The following CSMD1 variants were observed in gnomAD, a reference collection of about 807,000 sequenced individuals.
CSMD1 encodes the protein CUB and Sushi multiple domains 1, also known as CUB and sushi domain-containing protein 1.
In CSMD1, 213 loss-of-function variants were observed where a neutral mutation model predicts 417.5. The observed-to-expected ratio is 0.51, with a 90% CI of 0.46 to 0.57. The LOEUF (loss-of-function observed/expected upper bound fraction) is 0.57, where lower values mean the gene tolerates loss of function less well. Among genes scored for constraint, CSMD1 ranks in the 20% least tolerant of loss-of-function variants. The probability of loss-of-function intolerance (pLI) is 0.00; values close to 1 mark genes in which losing one functional copy is unlikely to be tolerated. For synonymous variants in CSMD1, 2,862 were observed against 1,736.8 expected, an observed-to-expected ratio of 1.65 and a Z score of -16.11; for missense variants, 6,923 against 4,529.7, an observed-to-expected ratio of 1.53 and a Z score of -15.17.
At chr8:3,042,509 C>T (rs1811168017) in intron 50 of CSMD1, among the ~76,000 whole-genome samples, 1 of 150,190 alleles carries the variant, frequency 6.7e-6, no homozygotes, top group African/African-American at 2.5e-5. Context: ...CTTTGTAAAC[C>T]TGCTTACGGG....
chr8:4,716,695 G>A (rs571545848), intron 1 of CSMD1, among the ~76,000 whole-genome samples: 2 of 152,204 alleles, frequency 1.3e-5, no homozygotes, highest in Non-Finnish European at 2.9e-5. Context: ...GATAATTAGA[G>A]GACTATTCAA....
intron 7 of CSMD1, among the ~76,000 whole-genome samples, chr8:3,679,014 T>A (rs1268293047): frequency 1.3e-5 from 2 of 151,872 alleles, no homozygotes; most frequent in African/African-American, 2.4e-5. Context: ...AGACCTCCCC[T>A]AAAAGACCTC....
intron 3 of CSMD1, among the ~76,000 whole-genome samples, chr8:4,195,490 C>T (rs561187692): frequency 3.2e-4 from 48 of 152,196 alleles, no homozygotes; most frequent in Non-Finnish European, 5.7e-4. Context: ...GTCTCACCCT[C>T]TGTTGTTCAC....
intron 6 of CSMD1, among the ~76,000 whole-genome samples, chr8:3,732,932 C>G (rs1342762424): frequency 1.3e-5 from 2 of 152,086 alleles, no homozygotes; most frequent in Non-Finnish European, 2.9e-5. Context: ...AACTATTTAT[C>G]TATCCATTAT....
chr8:3,316,768 A>C (rs899320578), intron 23 of CSMD1, among the ~76,000 whole-genome samples: 1 of 152,214 alleles, frequency 6.6e-6, no homozygotes, highest in Non-Finnish European at 1.5e-5. Context: ...TGCAGCACCA[A>C]GGAGTGGAGA....
intron 3 of CSMD1, among the ~76,000 whole-genome samples, chr8:4,318,950 A>G (rs1799101600): frequency 6.6e-6 from 1 of 152,200 alleles, no homozygotes; most frequent in Non-Finnish European, 1.5e-5. Flanking sequence ...ATTAAAAACA[A>G]AATGAAAGCA....
chr8:3,204,663 G>C (rs891171516), intron 31 of CSMD1, among the ~76,000 whole-genome samples: 1 of 152,130 alleles, frequency 6.6e-6, no homozygotes, highest in Admixed American at 6.6e-5. Context: ...TATCTTTCTT[G>C]TCACATGTTA....
intron 12 of CSMD1, among the ~76,000 whole-genome samples, chr8:3,431,295 C>G (rs1814203585): frequency 6.6e-6 from 1 of 152,154 alleles, no homozygotes; most frequent in South Asian, 2.1e-4. Context: ...CATCACTAAT[C>G]TTGTCTAACC....
Position 4,673,108 on chromosome 8 carries a change from G to T in CSMD1, c.86-35550C>A, listed in dbSNP as rs892696365. The stretch of plus-strand genomic sequence containing the variant: ...AAACAACACACAAGCATGGTGACAT[G>T]GCACACACACATCTGTAGCAAACTG... On this transcript the variant is annotated intron_variant, in intron 1 of 69. Coordinates refer to ENST00000635120, the MANE Select transcript of CSMD1 (RefSeq NM_033225.6). Among the ~76,000 whole-genome samples the T allele has an allele frequency of 7.2e-5, 11 of 152,060 alleles. No homozygotes were observed. In the South Asian group the frequency reaches 2.1e-3, roughly 29 times the overall value.
chr8:3,997,443 C>A lies in CSMD1; in HGVS notation c.818+460G>T, dbSNP rs2627445. 5.9e-3 allele frequency among the ~76,000 whole-genome samples: 896 copies of A among 152,258 alleles called. 9 individuals carry two copies. Among genetic ancestry groups the A allele is most frequent in the African/African-American group, 0.021 (864 of 41,516 alleles). ...CCTTTGAGGATCTTGTAGCCACGGG[C>A]ACTTCCCCACAGGTGGCTACAGAAT... On this transcript the variant is annotated intron_variant, in intron 5 of 69. Transcript: ENST00000635120.
intron 3 of CSMD1, among the ~76,000 whole-genome samples, chr8:4,258,817 G>C (rs1008955183): frequency 6.6e-6 from 1 of 152,112 alleles, no homozygotes; most frequent in Admixed American, 6.5e-5. Context: ...GGGCACAGCA[G>C]CAGAAAGATC....
chr8:3,808,421 CA>C (rs1280692808), intron 5 of CSMD1, among the ~76,000 whole-genome samples: 1 of 152,064 alleles, frequency 6.6e-6, no homozygotes, highest in Non-Finnish European at 1.5e-5. Context: ...ACTACTCAAC[CA>C]AAACTCATTG....
At chr8:3,442,522 T>C (rs944709921) in intron 12 of CSMD1, among the ~76,000 whole-genome samples, 2 of 152,224 alleles carry the variant, frequency 1.3e-5, no homozygotes, top group Admixed American at 6.5e-5. Context: ...CTTGTTACAA[T>C]TGCCTGTAGT....
chr8:4,539,759 C>G (rs1378541044), intron 2 of CSMD1, among the ~76,000 whole-genome samples: 1 of 152,180 alleles, frequency 6.6e-6, no homozygotes, highest in Non-Finnish European at 1.5e-5. Flanking sequence ...TCTTTAGTCA[C>G]TTAGAATACA....
At chr8:4,193,100 A>T (rs1234360889) in intron 3 of CSMD1, among the ~76,000 whole-genome samples, 1 of 152,186 alleles carries the variant, frequency 6.6e-6, no homozygotes, top group Admixed American at 6.5e-5. Flanking sequence ...CATGTGCCTT[A>T]AATTTACTTT....
At chr8:4,577,101 T>G (rs1002576075) in intron 2 of CSMD1, among the ~76,000 whole-genome samples, 3 of 152,192 alleles carry the variant, frequency 2.0e-5, no homozygotes, top group Non-Finnish European at 4.4e-5. Flanking sequence ...TACACACACA[T>G]ATATAACGTG....
intron 3 of CSMD1, among the ~76,000 whole-genome samples, chr8:4,230,341 A>C (rs1407122750): frequency 2.0e-5 from 3 of 152,236 alleles, no homozygotes; most frequent in Admixed American, 6.5e-5. Flanking sequence ...TGCATAAAGC[A>C]AATCAAGCCG....
chr8:4,914,433 C>A (rs994934234), intron 1 of CSMD1, among the ~76,000 whole-genome samples: 1 of 151,812 alleles, frequency 6.6e-6, no homozygotes, highest in African/African-American at 2.4e-5. Flanking sequence ...AAAAAATTAA[C>A]CGGGTGAGGT....
chr8:3,261,318 A>T (rs7838785), intron 26 of CSMD1, among the ~76,000 whole-genome samples: 64 of 152,110 alleles, frequency 4.2e-4, no homozygotes, highest in Admixed American at 1.2e-3. Context: ...AGTTAAAAGC[A>T]AAACATTCAA....
Sources: gnomAD v4.1 joint callset for allele counts (sites outside exome capture counted in the v4.1 genomes callset) on GRCh38, gnomAD v4.1.1 for gene constraint, MANE v1.5 for transcripts, NCBI Gene and HGNC (gene_info 2026-07-23, HGNC 2026-07-21) for gene names.